Variants in LRRC4B observed in about 807,000 individuals in gnomAD.
LRRC4B encodes the protein leucine rich repeat containing 4B.
A neutral mutation model predicts 7.3 loss-of-function variants in LRRC4B; 1 was observed. That is an observed-to-expected ratio of 0.14 (90% CI 0.05 to 0.65). LRRC4B has a LOEUF of 0.65. Ranked by LOEUF, LRRC4B falls within the 30% of genes least tolerant of loss-of-function variation. The pLI is 0.84. For synonymous variants in LRRC4B, 500 were observed against 499.2 expected, an observed-to-expected ratio of 1.00 and a Z score of -0.02; for missense variants, 730 against 1,041.6, an observed-to-expected ratio of 0.70 and a Z score of 4.12.
chr19:50,533,793 A>G (rs8105920), intron 2 of LRRC4B, among the ~76,000 whole-genome samples: 60,349 of 152,090 alleles, frequency 0.4, 12,787 homozygotes, highest in African/African-American at 0.53. Flanking sequence ...TCAAGCACAT[A>G]CCCCTGCTCC....
intron 2 of LRRC4B, among the ~76,000 whole-genome samples, chr19:50,546,332 C>T (rs1981803006): frequency 6.6e-6 from 1 of 151,406 alleles, no homozygotes; most frequent in African/African-American, 2.4e-5. Flanking sequence ...GAGACTCTGT[C>T]TCAAAATAAA....
At chr19:50,529,715 T>C (rs1162704947) in intron 2 of LRRC4B, among the ~76,000 whole-genome samples, 4 of 151,952 alleles carry the variant, frequency 2.6e-5, no homozygotes, top group Admixed American at 6.6e-5. Context: ...TGAGGCAGAA[T>C]TGCATGAACT....
intron 2 of LRRC4B, among the ~76,000 whole-genome samples, chr19:50,523,654 C>G (rs1324697426): frequency 6.6e-6 from 1 of 150,490 alleles, no homozygotes; most frequent in Non-Finnish European, 1.5e-5. Flanking sequence ...CACAGTGAGA[C>G]TCCATCTTAA....
chr19:50,528,645 G>A (rs1245587826), intron 2 of LRRC4B, among the ~76,000 whole-genome samples: 1 of 152,114 alleles, frequency 6.6e-6, no homozygotes, highest in Non-Finnish European at 1.5e-5. Flanking sequence ...GCGCCCGGCC[G>A]ATTTTTTTCT....
At chr19:50,522,122 G>A (rs1425020075) in intron 2 of LRRC4B, among the ~76,000 whole-genome samples, 1 of 152,138 alleles carries the variant, frequency 6.6e-6, no homozygotes, top group African/African-American at 2.4e-5. Flanking sequence ...AGGCTGCAGT[G>A]AACTGTGATC....
At chr19:50,540,056 A>T (rs1981475608) in intron 2 of LRRC4B, among the ~76,000 whole-genome samples, 1 of 152,214 alleles carries the variant, frequency 6.6e-6, no homozygotes, top group African/African-American at 2.4e-5. Flanking sequence ...TAAGTTTTAA[A>T]AGTGAATTGG....
Position 50,517,837 on chromosome 19 carries a change from C to T in LRRC4B, c.1876G>A (p.Ala626Thr), listed in dbSNP as rs1980357328. ...GCGGCCACGGACACGGCCGAGGCGG[C>T]GGGCAGCTCGTCCTCCACGTTGATG... is the stretch of plus-strand genomic sequence containing the variant. ...EIINVEDELPAASAVSVAAAA... is the reference protein window; with the variant it reads ...EIINVEDELPTASAVSVAAAA... The change falls in exon 3 of 3, where the codon GCC becomes ACC. Residue 626 changes from alanine to threonine, a missense_variant. Ala to Thr is a moderately conservative substitution (Grantham distance 58, BLOSUM62 0). Transcript: ENST00000652263. This position sits in a 1 kb window ranked among gnomAD's most constrained non-coding sequence, Gnocchi z 6.6. 1 of 1,577,558 alleles carries T rather than the reference C, an allele frequency of 6.3e-7. No individual in the cohort carries two copies. Among genetic ancestry groups the T allele is most frequent in the Non-Finnish European group, 8.6e-7 (1 of 1,166,768 alleles).
At chr19:50,546,498 C>A (rs1981814981) in intron 2 of LRRC4B, among the ~76,000 whole-genome samples, 2 of 152,114 alleles carry the variant, frequency 1.3e-5, no homozygotes, top group Admixed American at 1.3e-4. Flanking sequence ...ACCCTCCATC[C>A]ATGTCTCTGG....
intron 2 of LRRC4B, among the ~76,000 whole-genome samples, chr19:50,547,477 G>A (rs1981864002): frequency 6.6e-6 from 1 of 151,884 alleles, no homozygotes. Flanking sequence ...TAGATCTGGA[G>A]GGGCTGGGAC....
intron 2 of LRRC4B, among the ~76,000 whole-genome samples, chr19:50,538,371 G>A (rs879492517): frequency 2.6e-5 from 4 of 151,750 alleles, no homozygotes; most frequent in South Asian, 2.1e-4. Flanking sequence ...CCCTCCCACC[G>A]TTTTCTTCCT....
At chr19:50,554,722 T>C (rs1982213733) in intron 1 of LRRC4B, among the ~76,000 whole-genome samples, 1 of 152,222 alleles carries the variant, frequency 6.6e-6, no homozygotes. Context: ...TTTACTTGCA[T>C]TAGCCACCGC....
At position 50,518,176 on chromosome 19, in the gene LRRC4B, G is replaced by T. The variant is rs767344542; in HGVS notation, c.1537C>A (p.Pro513Thr). 29 of 1,607,332 alleles carry T rather than the reference G, an allele frequency of 1.8e-5. No homozygotes were observed. The highest frequency in any genetic ancestry group is 2.0e-5 in the Non-Finnish European group (23 of 1,178,670). The change falls in exon 3 of 3, where the codon CCG becomes ACG. Residue 513 changes from proline (P) to threonine (T), a missense_variant. Physicochemically the swap from Pro to Thr is conservative, Grantham distance 38. This residue lies in a region of LRRC4B where 192 missense variants were observed against 228.6 expected (regional missense o/e 0.84). Coordinates refer to ENST00000652263, the MANE Select transcript of LRRC4B (RefSeq NM_001080457.2). Reference sequence around the variant, plus strand: ...ACACCGTCTGTCGTGGGCCCTGGCGGTTCCTTCTCCGTCCCCCGCGGCTGC... The same window carrying T: ...ACACCGTCTGTCGTGGGCCCTGGCGTTTCCTTCTCCGTCCCCCGCGGCTGC... Reference protein sequence around the residue: ...ALQPRGTEKEPPGPTTDGVWG... With the variant: ...ALQPRGTEKETPGPTTDGVWG...
intron 2 of LRRC4B, among the ~76,000 whole-genome samples, chr19:50,535,467 C>A (rs1020824563): frequency 1.3e-5 from 2 of 152,198 alleles, no homozygotes; most frequent in African/African-American, 4.8e-5. Flanking sequence ...CCACTGCACT[C>A]GGCCTGTTTT....
chr19:50,543,669 T>A (rs1045580393), intron 2 of LRRC4B, among the ~76,000 whole-genome samples: 1 of 150,968 alleles, frequency 6.6e-6, no homozygotes, highest in Admixed American at 6.6e-5. Flanking sequence ...CGGGTCAATA[T>A]GGTGAAACCC....
intron 1 of LRRC4B, among the ~76,000 whole-genome samples, chr19:50,567,521 A>G (rs1270534816): frequency 6.9e-6 from 1 of 145,184 alleles, no homozygotes; most frequent in Non-Finnish European, 1.5e-5. Flanking sequence ...CCCCCACCCC[A>G]AGCAGCAGCG....
chr19:50,520,325 C>G lies in LRRC4B; in HGVS notation c.298-910G>C, dbSNP rs545983465. ...AAGATAGTTACTTAGAAAGTTAAAA[C>G]TGGAGTCAAGAATTTTGGGGACGGC... On this transcript the variant is annotated intron_variant, in intron 2 of 2. Coordinates refer to ENST00000652263, the MANE Select transcript of LRRC4B (RefSeq NM_001080457.2). Among the ~76,000 whole-genome samples the G allele has an allele frequency of 4.2e-4, 60 of 143,576 alleles. No homozygotes were observed. In the South Asian group the frequency reaches 0.012, roughly 28 times the overall value. 94.2% of individuals were successfully genotyped at this position (143,576 alleles called of 152,430 possible).
Position 50,519,429 on chromosome 19 carries a change from G to T in LRRC4B, c.298-14C>A. ...CGTCCGGATCACCTGGGGAGAGGGA[G>T]ACACGGATCAGTCACGGAGATACTG... On this transcript the variant is annotated splice_polypyrimidine_tract_variant and intron_variant, in intron 2 of 2. Transcript: ENST00000652263. The surrounding 1 kb of genome is among the most constrained non-coding windows in gnomAD (Gnocchi z 8.1). The T allele has an allele frequency of 6.4e-7, 1 of 1,567,796 alleles. No homozygotes were observed. The highest frequency in any genetic ancestry group is 8.6e-7 in the Non-Finnish European group (1 of 1,160,954).
At position 50,537,473 on chromosome 19, in the gene LRRC4B, C is replaced by G. The variant is rs776577391; in HGVS notation, c.297+11069G>C. Among the ~76,000 whole-genome samples the G allele has an allele frequency of 6.6e-6, 1 of 152,182 alleles. No homozygotes were observed. The highest frequency in any genetic ancestry group is 1.5e-5 in the Non-Finnish European group (1 of 68,048). ...AGGCAGGCTCAGAGAGGTGACTCAA[C>G]GCCTTAGCGTCATTCGTGGAGGGGA... On this transcript the variant is annotated intron_variant, in intron 2 of 2. Transcript: ENST00000652263. This position sits in a 1 kb window ranked among gnomAD's most constrained non-coding sequence, Gnocchi z 5.5.
At chr19:50,557,218 C>G (rs1982307279) in intron 1 of LRRC4B, among the ~76,000 whole-genome samples, 1 of 152,150 alleles carries the variant, frequency 6.6e-6, no homozygotes, top group Non-Finnish European at 1.5e-5. Context: ...AGGAGCCAGG[C>G]TCTTCTTATA....
Sources: allele counts gnomAD v4.1 joint callset (sites outside exome capture counted in the v4.1 genomes callset), GRCh38; gene constraint gnomAD v4.1.1; regional missense constraint gnomAD v4.1.1; non-coding constraint Gnocchi (gnomAD v3.1); transcripts MANE v1.5; gene names NCBI Gene and HGNC (gene_info 2026-07-23, HGNC 2026-07-21).